TOE1: variants seen among roughly 807,000 people sequenced by gnomAD.
TOE1 encodes target of EGR1 protein 1.
In TOE1, 50 loss-of-function variants were observed where a neutral mutation model predicts 49.2. The observed-to-expected ratio is 1.02, with a 90% CI of 0.81 to 1.29. TOE1 has a LOEUF of 1.29. Ranked by LOEUF, TOE1 falls within the 50% of genes most tolerant of loss-of-function variation. The probability of loss-of-function intolerance (pLI) is 0.00; values close to 1 mark genes in which losing one functional copy is unlikely to be tolerated. For synonymous variants in TOE1, 221 were observed against 247.0 expected, an observed-to-expected ratio of 0.89 and a Z score of 0.99; for missense variants, 544 against 654.4, an observed-to-expected ratio of 0.83 and a Z score of 1.84.
At position 45,343,133 on chromosome 1, in the gene TOE1, G is replaced by A. The variant is rs1280884674; in HGVS notation, c.964G>A (p.Asp322Asn). 1.9e-6 allele frequency: 3 copies of A among 1,613,666 alleles called. No individual in the cohort carries two copies. In the Admixed American group the frequency reaches 5.0e-5, roughly 27 times the overall value. ...GPQCPQSHDI[D>N]LIIDTDEAAA... is the part of the protein sequence containing the mutation. ...ACAGTGTCCTCAGTCTCACGATATT[G>A]ACCTTATCATTGACACTGATGAGGC... The change falls in exon 8 of 8, where the codon GAC becomes AAC. Residue 322 changes from aspartate (D) to asparagine (N), a missense_variant. By Grantham distance (23) the Asp-to-Asn change is conservative. Coordinates refer to ENST00000372090, the MANE Select transcript of TOE1 (RefSeq NM_025077.4). The surrounding 1 kb of genome is among the most constrained non-coding windows in gnomAD (Gnocchi z 4.3).
At chr1:45,340,984 C>T in intron 1 of TOE1, 89 bp from the exon 2 acceptor site, 1 of 1,578,090 alleles carries the variant, frequency 6.3e-7, no homozygotes. Context: ...AACTACCCCC[C>T]TTACCACCAT....
In TOE1 at chr1:45,342,645, T is replaced by C; in HGVS notation, c.752+2T>C. On this transcript the variant is annotated splice_donor_variant, in intron 6 of 7. Transcript: ENST00000372090. LOFTEE classifies it high-confidence loss of function. ...CTTAGAATATGCCTTCCGGAAATGG[T>C]GAGGAAATGGTTGAGGGAAAGGGGT... is the stretch of plus-strand genomic sequence containing the variant. 1 of 1,613,156 alleles carries C rather than the reference T, an allele frequency of 6.2e-7. No homozygotes were observed. The highest frequency in any genetic ancestry group is 8.5e-7 in the Non-Finnish European group (1 of 1,179,342).
At position 45,340,182 on chromosome 1, in the gene TOE1, G is replaced by A. The variant is rs1646798945; in HGVS notation, c.-71G>A. Reference sequence around the variant, plus strand: ...GACCCCGCCCCATCCCCGACTGCCTGAACCGCGCCAGGAGACGGACCGCAA... The same window carrying A: ...GACCCCGCCCCATCCCCGACTGCCTAAACCGCGCCAGGAGACGGACCGCAA... On this transcript the variant is annotated 5_prime_UTR_variant, in exon 1 of 8. Transcript: ENST00000372090. 6.2e-7 allele frequency: 1 copy of A among 1,612,592 alleles called. No homozygotes were observed. The highest frequency in any genetic ancestry group is 8.5e-7 in the Non-Finnish European group (1 of 1,179,614).
rs1064795596 is a variant in TOE1, at chr1:45,340,220, C to T, written c.-33C>T. ...AGACGGACCGCAAGTCCAGCGTACC[C>T]ACAGACGACTCAGGCGGGAGACGAG... On this transcript the variant is annotated 5_prime_UTR_variant, in exon 1 of 8. Transcript: ENST00000372090. The T allele has an allele frequency of 6.2e-7, 1 of 1,613,844 alleles. No homozygotes were observed. Among genetic ancestry groups the T allele is most frequent in the Admixed American group, 1.7e-5 (1 of 60,024 alleles).
At chr1:45,342,721 T>C (rs1647061465) in intron 6 of TOE1, 78 bp downstream of exon 6, 1 of 1,583,564 alleles carries the variant, frequency 6.3e-7, no homozygotes, top group South Asian at 1.1e-5. Flanking sequence ...ATTGAGCTCC[T>C]ACCATGTGCC....
At chr1:45,341,698 T>A (rs1646994355) in intron 4 of TOE1, 129 bp downstream of exon 4, 2 of 922,550 alleles carry the variant, frequency 2.2e-6, no homozygotes, top group Admixed American at 2.9e-5. Flanking sequence ...TTTTTTTTTT[T>A]TATTTGAATA....
Position 45,341,534 on chromosome 1 carries a change from C to T in TOE1, c.298C>T (p.Leu100=). The T allele has an allele frequency of 1.2e-6, 2 of 1,614,022 alleles. No individual in the cohort carries two copies. Among genetic ancestry groups the T allele is most frequent in the Non-Finnish European group, 1.7e-6 (2 of 1,179,982 alleles). Residue 100 remains leucine (L), a synonymous_variant, in exon 4 of 8, where the codon CTG becomes TTG. Transcript: ENST00000372090. ...HAARTRSILS[L]GLACFKRQPD... is the part of the protein sequence containing the mutation. ...TGCCAGGACCCGTTCTATCCTTTCCCTGGGCCTCGCCTGCTTCAAGCGGCA... is the reference window on the plus strand; with the variant it reads ...TGCCAGGACCCGTTCTATCCTTTCCTTGGGCCTCGCCTGCTTCAAGCGGCA...
intron 2 of TOE1, 39 bp from the exon 3 acceptor site, chr1:45,341,264 C>T: frequency 6.2e-7 from 1 of 1,614,160 alleles, no homozygotes; most frequent in South Asian, 1.1e-5. Context: ...GGGGCTGGTG[C>T]TAGAGGCCTG....
At chr1:45,342,292 G>T in intron 5 of TOE1, 92 bp from the exon 6 acceptor site, 1 of 1,550,258 alleles carries the variant, frequency 6.5e-7, no homozygotes, top group Non-Finnish European at 8.7e-7. Flanking sequence ...GAGAGAGAGC[G>T]TTCCAAGTGG....
intron 6 of TOE1, 25 bp from the exon 7 acceptor site, chr1:45,342,817 AC>A: frequency 6.2e-7 from 1 of 1,613,886 alleles, no homozygotes; most frequent in South Asian, 1.1e-5. Flanking sequence ...ATGCTAGTGG[AC>A]CATTACCCTC....
intron 3 of TOE1, 64 bp from the exon 4 acceptor site, chr1:45,341,409 G>A: frequency 6.2e-7 from 1 of 1,614,050 alleles, no homozygotes; most frequent in Non-Finnish European, 8.5e-7. Context: ...TCACAGACCT[G>A]GGTGGTTTGG....
Position 45,341,097 on chromosome 1 carries a change from C to T in TOE1, c.77C>T (p.Ser26Phe), listed in dbSNP as rs1368830139. ...GGTGGTGTCAGCAAAAGCACAACAT[C>T]TGGGGAGGAGCTAGTAGTCCAGGTT... ...SDGGVSKSTTSGEELVVQVPV... is the reference protein window; with the variant it reads ...SDGGVSKSTTFGEELVVQVPV... Residue 26 changes from serine to phenylalanine, a missense_variant, in exon 2 of 8, where the codon TCT becomes TTT. Transcript: ENST00000372090. 1 of 1,614,214 alleles carries T rather than the reference C, an allele frequency of 6.2e-7. No homozygotes were observed. The highest frequency in any genetic ancestry group is 1.1e-5 in the South Asian group (1 of 91,078).
At position 45,342,025 on chromosome 1, in the gene TOE1, CTG is replaced by C; in HGVS notation, c.413_414del (p.Val138AlafsTer22). Reference sequence around the variant, plus strand: ...GAGGAGTATGTCATAGAACCAAAGTCTGTGCAGTTCCTGATACAGCATGGCTT... The same window carrying C: ...GAGGAGTATGTCATAGAACCAAAGTCTGCAGTTCCTGATACAGCATGGCTT... On this transcript the variant is annotated frameshift_variant, in exon 5 of 8. Coordinates refer to ENST00000372090, the MANE Select transcript of TOE1 (RefSeq NM_025077.4). LOFTEE classifies it high-confidence loss of function. 8 of 1,614,068 alleles carry C rather than the reference CTG, an allele frequency of 5.0e-6. No homozygotes were observed. Among genetic ancestry groups the C allele is most frequent in the Non-Finnish European group, 6.8e-6 (8 of 1,179,946 alleles).
Position 45,341,158 on chromosome 1 carries a change from GA to G in TOE1, c.139del (p.Met47CysfsTer7). On this transcript the variant is annotated frameshift_variant, in exon 2 of 8. Coordinates refer to ENST00000372090, the MANE Select transcript of TOE1 (RefSeq NM_025077.4). LOFTEE classifies it high-confidence loss of function. ...VDVQSNNFKE[M>X]WPSLLLAIKT... ...ATGTGCAAAGCAACAACTTCAAGGA[GA>G]TGTGGCCATCCCTCCTGCTAGCCAT... 6.2e-7 allele frequency: 1 copy of G among 1,614,202 alleles called. No individual in the cohort carries two copies. The highest frequency in any genetic ancestry group is 1.1e-5 in the South Asian group (1 of 91,084).
intron 1 of TOE1, 70 bp downstream of exon 1, chr1:45,340,374 A>G: frequency 1.3e-6 from 2 of 1,558,888 alleles, no homozygotes; most frequent in Non-Finnish European, 1.7e-6. Flanking sequence ...TCGGGCTCAT[A>G]GTTCTAGAGG....
At chr1:45,341,006 A>T (rs766377793) in intron 1 of TOE1, 67 bp from the exon 2 acceptor site, 3 of 1,606,140 alleles carry the variant, frequency 1.9e-6, no homozygotes, top group Non-Finnish European at 2.6e-6. Context: ...ACCGTGGCCT[A>T]GCTTGGTGTC....
Position 45,342,053 on chromosome 1 carries a change from C to A in TOE1, c.438C>A (p.Phe146Leu). The change falls in exon 5 of 8, where the codon TTC (phenylalanine) becomes TTA (leucine). Residue 146 changes from phenylalanine (F) to leucine (L), a missense_variant. By Grantham distance (22) the Phe-to-Leu change is conservative. Transcript: ENST00000372090. ...TGCAGTTCCTGATACAGCATGGCTT[C>A]AACTTCAACCAGCAGTATGCCCAAG... The part of the protein sequence containing the change: ...KSVQFLIQHG[F>L]NFNQQYAQGI... 6.2e-7 allele frequency: 1 copy of A among 1,614,036 alleles called. No homozygotes were observed. The highest frequency in any genetic ancestry group is 8.5e-7 in the Non-Finnish European group (1 of 1,179,912).
chr1:45,341,152 C>A lies in TOE1; in HGVS notation c.132C>A (p.Phe44Leu), dbSNP rs1463214248. ...TAGTGGATGTGCAAAGCAACAACTT[C>A]AAGGAGATGTGGCCATCCCTCCTGC... is the stretch of plus-strand genomic sequence containing the variant. Reference protein sequence around the residue: ...VPVVDVQSNNFKEMWPSLLLA... With the variant: ...VPVVDVQSNNLKEMWPSLLLA... Residue 44 changes from phenylalanine to leucine, a missense_variant, in exon 2 of 8, where the codon TTC becomes TTA. Phe to Leu is a conservative substitution (Grantham distance 22). Coordinates refer to ENST00000372090, the MANE Select transcript of TOE1 (RefSeq NM_025077.4). The A allele has an allele frequency of 5.0e-6, 8 of 1,614,058 alleles. No individual in the cohort carries two copies. The African/African-American group carries it at 9.3e-5, about 19-fold the overall frequency.
Position 45,342,764 on chromosome 1 carries a change from G to A in TOE1, c.753-79G>A, listed in dbSNP as rs780085427. 1.4e-5 allele frequency: 22 copies of A among 1,604,326 alleles called. 1 individual carries two copies. In the South Asian group the frequency reaches 1.8e-4, roughly 13 times the overall value. ...TGTTTTAGGTGCTGAGGATTCAGCA[G>A]TGAACAAAACAGACCACAAAACCCT... On this transcript the variant is annotated intron_variant, in intron 6 of 7. Coordinates refer to ENST00000372090, the MANE Select transcript of TOE1 (RefSeq NM_025077.4).
Sources: gnomAD v4.1 joint callset for allele counts on GRCh38, gnomAD v4.1.1 for gene constraint, Gnocchi (gnomAD v3.1) non-coding constraint, MANE v1.5 for transcripts, NCBI Gene and HGNC (gene_info 2026-07-23, HGNC 2026-07-21) for gene names.